Variants in DGKH observed in about 807,000 individuals in gnomAD.
The protein encoded by DGKH is diacylglycerol kinase eta, also known as DAG kinase eta.
A neutral mutation model predicts 159.3 loss-of-function variants in DGKH; 90 were observed. The observed-to-expected ratio is 0.57, with a 90% CI of 0.48 to 0.67. The LOEUF is 0.67. DGKH is among the 30% of genes least tolerant of loss of function. The probability of loss-of-function intolerance (pLI) is 0.00; values close to 1 mark genes in which losing one functional copy is unlikely to be tolerated. For synonymous variants in DGKH, 536 were observed against 553.8 expected, an observed-to-expected ratio of 0.97 and a Z score of 0.45; for missense variants, 1,181 against 1,506.1, an observed-to-expected ratio of 0.78 and a Z score of 3.57.
chr13:42,138,799 C>G (rs957317511), intron 3 of DGKH, among the ~76,000 whole-genome samples: 2 of 152,074 alleles, frequency 1.3e-5, no homozygotes, highest in African/African-American at 4.8e-5. Flanking sequence ...AGCAGCAAAC[C>G]TCATATTTTA....
chr13:42,104,149 T>C (rs985643658), intron 1 of DGKH, among the ~76,000 whole-genome samples: 1 of 152,202 alleles, frequency 6.6e-6, no homozygotes, highest in African/African-American at 2.4e-5. Context: ...ATTCAGGGAC[T>C]TAGGGAACAA....
At chr13:42,163,193 C>T (rs1956233869) in intron 7 of DGKH, among the ~76,000 whole-genome samples, 1 of 151,476 alleles carries the variant, frequency 6.6e-6, no homozygotes, top group South Asian at 2.1e-4. Flanking sequence ...GACATGAACT[C>T]ATCATTTTTT....
chr13:42,248,878 T>C (rs974363160), intron 29 of DGKH, among the ~76,000 whole-genome samples: 1 of 152,024 alleles, frequency 6.6e-6, no homozygotes, highest in Non-Finnish European at 1.5e-5. Flanking sequence ...GTCAGTACAA[T>C]GTGATGTTCA....
intron 15 of DGKH, among the ~76,000 whole-genome samples, chr13:42,189,742 C>T (rs567568770): frequency 5.9e-5 from 9 of 152,314 alleles, no homozygotes; most frequent in Non-Finnish European, 1.2e-4. Flanking sequence ...TCTCAGCTCA[C>T]TGCAACGTCC....
At chr13:42,064,368 C>T (rs377365692) in intron 1 of DGKH, among the ~76,000 whole-genome samples, 8 of 152,200 alleles carry the variant, frequency 5.3e-5, no homozygotes, top group Middle Eastern at 3.4e-3. Context: ...ACACCTGAGC[C>T]GGGTGACCAG....
intron 3 of DGKH, among the ~76,000 whole-genome samples, chr13:42,141,520 G>A (rs529606532): frequency 6.6e-6 from 1 of 152,302 alleles, no homozygotes; most frequent in South Asian, 2.1e-4. Context: ...CCCACCAACA[G>A]TGTAAAAGTG....
Position 42,242,379 on chromosome 13 carries a change from C to T in DGKH, c.*13191C>T, listed in dbSNP as rs1958530912. The T allele has an allele frequency of 6.6e-6, 1 of 152,190 alleles. No individual in the cohort carries two copies. Among genetic ancestry groups the T allele is most frequent in the Admixed American group, 6.5e-5 (1 of 15,278 alleles). The allele number at this position is 152,190 out of a possible 1,614,324, so 9.4% of individuals were successfully genotyped here. ...GCAGATAATATCTATCTATTTATTA[C>T]ACAGTGGGCTCTGTTTGCTGCAGAA... On this transcript the variant is annotated 3_prime_UTR_variant, in exon 30 of 30. Coordinates refer to ENST00000337343, the MANE Select transcript of DGKH (RefSeq NM_178009.5).
rs1431691411 is a variant in DGKH, at chr13:42,242,531, G to T, written c.*13343G>T. ...CAACGTGAGTTTTGTTTGTTTACAT[G>T]CTGTTTACAATGGCATAATTTTAAA... On this transcript the variant is annotated 3_prime_UTR_variant, in exon 30 of 30. Coordinates refer to ENST00000337343, the MANE Select transcript of DGKH (RefSeq NM_178009.5). 2.6e-5 allele frequency: 4 copies of T among 152,122 alleles called. No homozygotes were observed. The highest frequency in any genetic ancestry group is 9.7e-5 in the African/African-American group (4 of 41,418). The allele number at this position is 152,122 out of a possible 1,614,324, so 9.4% of individuals were successfully genotyped here.
At chr13:42,049,876 T>C (rs976621970) in intron 1 of DGKH, among the ~76,000 whole-genome samples, 2 of 152,242 alleles carry the variant, frequency 1.3e-5, no homozygotes, top group Non-Finnish European at 2.9e-5. Context: ...CTAATTTTCA[T>C]TGTAATTTAA....
intron 1 of DGKH, among the ~76,000 whole-genome samples, chr13:42,126,185 G>A (rs1955167375): frequency 6.6e-6 from 1 of 152,040 alleles, no homozygotes; most frequent in Non-Finnish European, 1.5e-5. Flanking sequence ...TAAACTCAGG[G>A]ACCTTATATT....
At chr13:42,075,884 T>C (rs1350723472) in intron 1 of DGKH, among the ~76,000 whole-genome samples, 2 of 152,230 alleles carry the variant, frequency 1.3e-5, no homozygotes, top group Non-Finnish European at 2.9e-5. Context: ...TAATTGAACT[T>C]TCCTGTTTTT....
intron 21 of DGKH, among the ~76,000 whole-genome samples, chr13:42,207,713 A>ATATATATATG (rs1415276519): frequency 2.6e-4 from 39 of 147,980 alleles, no homozygotes; most frequent in Middle Eastern, 7.1e-3. Flanking sequence ...ATATATATAT[A>ATATATATATG]TATCAGTAAA....
At chr13:42,132,260 A>G (rs1209112889) in intron 3 of DGKH, among the ~76,000 whole-genome samples, 1 of 152,228 alleles carries the variant, frequency 6.6e-6, no homozygotes, top group Non-Finnish European at 1.5e-5. Flanking sequence ...TCAAACATCA[A>G]CCATTTCTTT....
intron 1 of DGKH, among the ~76,000 whole-genome samples, chr13:42,119,004 C>T (rs563653089): frequency 2.0e-5 from 3 of 152,322 alleles, no homozygotes; most frequent in East Asian, 1.9e-4. Context: ...AATCCGAATA[C>T]ACCCACTTCT....
At position 42,256,330 on chromosome 13, in the gene DGKH, A is replaced by G. The variant is rs537674334; in HGVS notation, n.4174A>G. On this transcript the variant is annotated non_coding_transcript_exon_variant, in exon 31 of 31. Transcript: ENST00000498255. ...TGGTGGGAATCCAGGCCAATACAGA[A>G]AGGATCAACAAGCTGATGAATGAGT... 13 of 1,591,202 alleles carry G rather than the reference A, an allele frequency of 8.2e-6. No homozygotes were observed. The East Asian group carries it at 1.3e-4, about 16-fold the overall frequency.
intron 1 of DGKH, among the ~76,000 whole-genome samples, chr13:42,064,264 C>T (rs972131151): frequency 6.6e-6 from 1 of 151,980 alleles, no homozygotes; most frequent in African/African-American, 2.4e-5. Flanking sequence ...AGGTCTGAGG[C>T]TAGAGGAAAG....
rs781220950 is a variant in DGKH at position 42,235,699 on chromosome 13, G to T, written c.*6511G>T. ...GTAACTAGTGCTGTGAAAGGTTTTG[G>T]TATTGTAACATTCCCAGTTTTGTGA... On this transcript the variant is annotated 3_prime_UTR_variant, in exon 30 of 30. Coordinates refer to ENST00000337343, the MANE Select transcript of DGKH (RefSeq NM_178009.5). The T allele has an allele frequency of 1.7e-4, 26 of 152,040 alleles. No individual in the cohort carries two copies. Among genetic ancestry groups the T allele is most frequent in the Non-Finnish European group, 3.7e-4 (25 of 67,962 alleles). The allele number at this position is 152,040 out of a possible 1,614,324, so 9.4% of individuals were successfully genotyped here. A position where few individuals can be genotyped will look rare whatever the true frequency, so the allele number is the denominator to read the frequency against.
intron 17 of DGKH, chr13:42,195,928 A>G (rs2138137193): frequency 6.6e-6 from 1 of 152,386 alleles, no homozygotes; most frequent in Middle Eastern, 3.4e-3. Flanking sequence ...TCCAGAACAT[A>G]TAAAGAACCC....
At chr13:42,040,346 G>C (rs1288322774) in intron 1 of DGKH, among the ~76,000 whole-genome samples, 2 of 152,100 alleles carry the variant, frequency 1.3e-5, no homozygotes, top group Non-Finnish European at 2.9e-5. Flanking sequence ...GGCTTTCCTC[G>C]CCGCTCTCCG....
Sources: allele counts gnomAD v4.1 joint callset (sites outside exome capture counted in the v4.1 genomes callset), GRCh38; gene constraint gnomAD v4.1.1; transcripts MANE v1.5; gene names NCBI Gene and HGNC (gene_info 2026-07-23, HGNC 2026-07-21).